The following USH2A variants were observed in gnomAD, a reference collection of about 807,000 sequenced individuals.
USH2A encodes the protein Usher syndrome 2A (autosomal recessive, mild).
USH2A carries 443 observed loss-of-function variants against 538.9 expected under a neutral mutation model. The observed-to-expected ratio is 0.82, with a 90% CI of 0.76 to 0.89. USH2A has a LOEUF of 0.89. USH2A is among the 40% of genes least tolerant of loss of function. The pLI is 0.00. For synonymous variants in USH2A, 2,413 were observed against 2,273.5 expected (o/e 1.06, Z -1.75); for missense variants, 6,633 against 6,324.8 (o/e 1.05, Z -1.65).
Position 216,291,703 on chromosome 1 carries a change from G to A in USH2A, c.1840+472C>T, listed in dbSNP as rs7528391. On this transcript the variant is annotated intron_variant, in intron 10 of 71. Coordinates refer to ENST00000307340, the MANE Select transcript of USH2A (RefSeq NM_206933.4). The stretch of plus-strand genomic sequence containing the variant: ...TTAGAACAGGACTTTGATTATCATC[G>A]TCTCCATTTAATTAGTATTTTCAAA... 4.1e-3 allele frequency among the ~76,000 whole-genome samples: 621 copies of A among 152,168 alleles called. 3 individuals are homozygous for A. Among genetic ancestry groups the A allele is most frequent in the African/African-American group, 0.014 (588 of 41,514 alleles).
At chr1:215,802,142 A>T (rs560772714) in intron 49 of USH2A, among the ~76,000 whole-genome samples, 2 of 152,148 alleles carry the variant, frequency 1.3e-5, no homozygotes, top group Admixed American at 6.5e-5. Context: ...AAAGATCTAG[A>T]TGTAAAAGCT....
intron 11 of USH2A, among the ~76,000 whole-genome samples, chr1:216,277,526 G>A (rs886809661): frequency 5.3e-5 from 8 of 152,068 alleles, no homozygotes; most frequent in Non-Finnish European, 8.8e-5. Context: ...TTAAACAGAA[G>A]TTATCCTGTT....
chr1:216,292,396 A>C, intron 9 of USH2A, 26 bp from the exon 10 acceptor site: 2 of 1,608,346 alleles, frequency 1.2e-6, no homozygotes, highest in Non-Finnish European at 1.7e-6. Context: ...TCAGAACAGT[A>C]AAGAAAATAA....
intron 13 of USH2A, among the ~76,000 whole-genome samples, chr1:216,237,878 T>G (rs2035861483): frequency 6.6e-6 from 1 of 152,200 alleles, no homozygotes; most frequent in Non-Finnish European, 1.5e-5. Flanking sequence ...ACAAGATTCC[T>G]TCCTGATGAT....
At chr1:216,395,797 A>G (rs1408502877) in intron 3 of USH2A, among the ~76,000 whole-genome samples, 1 of 152,216 alleles carries the variant, frequency 6.6e-6, no homozygotes, top group Non-Finnish European at 1.5e-5. Context: ...TCTTCTGAAC[A>G]TCCTACAATG....
At chr1:216,334,838 C>A (rs1169947454) in intron 4 of USH2A, among the ~76,000 whole-genome samples, 1 of 151,736 alleles carries the variant, frequency 6.6e-6, no homozygotes, top group Non-Finnish European at 1.5e-5. Flanking sequence ...GAAAAATTCA[C>A]CATTTAACAA....
intron 37 of USH2A, among the ~76,000 whole-genome samples, chr1:215,945,954 C>T (rs1666748508): frequency 6.6e-6 from 1 of 152,136 alleles, no homozygotes; most frequent in African/African-American, 2.4e-5. Context: ...CTATTTAACC[C>T]TTTCAATCAC....
chr1:216,042,845 C>G (rs2030339244), intron 32 of USH2A, among the ~76,000 whole-genome samples: 1 of 152,034 alleles, frequency 6.6e-6, no homozygotes, highest in Non-Finnish European at 1.5e-5. Context: ...TCCAATAGGA[C>G]TGGCATCCTC....
At chr1:215,906,851 T>C (rs1354129267) in intron 38 of USH2A, among the ~76,000 whole-genome samples, 3 of 152,042 alleles carry the variant, frequency 2.0e-5, no homozygotes, top group African/African-American at 4.8e-5. Context: ...AGGTATGTCA[T>C]GGAACTGATA....
intron 9 of USH2A, among the ~76,000 whole-genome samples, chr1:216,311,186 A>T (rs140244031): frequency 2.4e-3 from 360 of 152,230 alleles, no homozygotes; most frequent in African/African-American, 7.8e-3. Flanking sequence ...GGGATGACAG[A>T]CCTACATCCC....
chr1:215,674,351 A>T lies in USH2A; in HGVS notation c.13560T>A (p.Ser4520Arg). 6.2e-7 allele frequency: 1 copy of T among 1,613,550 alleles called. No individual in the cohort carries two copies. The highest frequency in any genetic ancestry group is 8.5e-7 in the Non-Finnish European group (1 of 1,179,768). ...GGCTGGTTCGATCTTTGACAAGAGG[A>T]CTCAAAATACCCCCTTGGCTGTTGC... ...TASNSQGGIL[S>R]PLVKDRTSPS... is the part of the protein sequence containing the mutation. The change falls in exon 63 of 72, where the codon AGT becomes AGA. Residue 4520 changes from serine (S) to arginine (R), a missense_variant. Physicochemically the swap from Ser to Arg is moderately radical, Grantham distance 110 (BLOSUM62 -1). Coordinates refer to ENST00000307340, the MANE Select transcript of USH2A (RefSeq NM_206933.4).
intron 13 of USH2A, among the ~76,000 whole-genome samples, chr1:216,239,262 A>G (rs1407982774): frequency 1.3e-5 from 2 of 152,208 alleles, no homozygotes; most frequent in Non-Finnish European, 2.9e-5. Context: ...TATGATACTT[A>G]GGTCACTGTT....
At chr1:216,267,565 A>G (rs1008924743) in intron 11 of USH2A, among the ~76,000 whole-genome samples, 1 of 152,106 alleles carries the variant, frequency 6.6e-6, no homozygotes, top group Admixed American at 6.6e-5. Flanking sequence ...GGATGGGAGA[A>G]GTCAAGTTCA....
At chr1:215,844,563 G>A in intron 45 of USH2A, 67 bp from the exon 46 acceptor site, 1 of 1,524,132 alleles carries the variant, frequency 6.6e-7, no homozygotes. Context: ...TAAGCTAAAT[G>A]CAGATTAGTA....
At chr1:215,666,503 C>T (rs1657608700) in intron 64 of USH2A, among the ~76,000 whole-genome samples, 1 of 152,136 alleles carries the variant, frequency 6.6e-6, no homozygotes, top group Admixed American at 6.5e-5. Context: ...ACAGTTTAGG[C>T]TAGTGATTCT....
At chr1:216,202,038 C>T (rs1008813229) in intron 16 of USH2A, among the ~76,000 whole-genome samples, 9 of 152,078 alleles carry the variant, frequency 5.9e-5, no homozygotes, top group Non-Finnish European at 1.0e-4. Context: ...ATTAAAGTTA[C>T]CCTTATCCCA....
At chr1:215,960,989 C>G (rs978702814) in intron 37 of USH2A, among the ~76,000 whole-genome samples, 1 of 151,956 alleles carries the variant, frequency 6.6e-6, no homozygotes, top group African/African-American at 2.4e-5. Flanking sequence ...TTCTTCAGGT[C>G]CAACCTTTGT....
At chr1:215,811,607 TAA>T (rs35296453) in intron 49 of USH2A, among the ~76,000 whole-genome samples, 1 of 151,464 alleles carries the variant, frequency 6.6e-6, no homozygotes, top group Non-Finnish European at 1.5e-5. Flanking sequence ...TGCACTATCC[TAA>T]AAAAAACCCT....
chr1:216,216,817 T>C (rs932026557), intron 15 of USH2A, among the ~76,000 whole-genome samples: 7 of 152,238 alleles, frequency 4.6e-5, no homozygotes, highest in African/African-American at 1.7e-4. Flanking sequence ...GATATTTAAA[T>C]GAGTGAAACT....
Sources: gnomAD v4.1 joint callset for allele counts (sites outside exome capture counted in the v4.1 genomes callset) on GRCh38, gnomAD v4.1.1 for gene constraint, MANE v1.5 for transcripts, NCBI Gene and HGNC (gene_info 2026-07-23, HGNC 2026-07-21) for gene names.